ASTN2: variants seen among roughly 807,000 people sequenced by gnomAD.
ASTN2 encodes the protein astrotactin-2.
In ASTN2, 54 loss-of-function variants were observed where a neutral mutation model predicts 139.8. That is an observed-to-expected ratio of 0.39 (90% CI 0.31 to 0.48). The LOEUF (loss-of-function observed/expected upper bound fraction) is 0.48, where lower values mean the gene tolerates loss of function less well. Among genes scored for constraint, ASTN2 ranks in the 20% least tolerant of loss-of-function variants. The pLI is 0.95. For missense variants in ASTN2, 1,565 were observed against 1,725.1 expected, an observed-to-expected ratio of 0.91 and a Z score of 1.64; for synonymous variants, 756 against 719.5, an observed-to-expected ratio of 1.05 and a Z score of -0.81.
chr9:116,969,788 G>C (rs1836131268), intron 10 of ASTN2, among the ~76,000 whole-genome samples: 1 of 152,108 alleles, frequency 6.6e-6, no homozygotes, highest in South Asian at 2.1e-4. Context: ...AATCACCTGA[G>C]GACTTCTTAA....
chr9:116,586,812 T>TCACACACACACACACACACACACACA (rs141414264), intron 19 of ASTN2, among the ~76,000 whole-genome samples: 13 of 79,952 alleles, frequency 1.6e-4, no homozygotes, highest in African/African-American at 7.9e-4. Flanking sequence ...CAGTTGAAAT[T>TCACACACACACACACACACACACACA]CACACACACA....
intron 1 of ASTN2, among the ~76,000 whole-genome samples, chr9:117,377,423 C>T (rs1261611748): frequency 2.0e-5 from 3 of 152,198 alleles, no homozygotes; most frequent in Non-Finnish European, 4.4e-5. Context: ...TAATGGCTTG[C>T]AGAGGGTGGT....
At chr9:117,071,619 G>T (rs973429386) in intron 5 of ASTN2, among the ~76,000 whole-genome samples, 2 of 149,522 alleles carry the variant, frequency 1.3e-5, no homozygotes, top group African/African-American at 4.9e-5. Context: ...CCTCGCTGCC[G>T]CCTTGCAGTT....
At chr9:117,175,999 C>A (rs1830907423) in intron 3 of ASTN2, among the ~76,000 whole-genome samples, 1 of 150,678 alleles carries the variant, frequency 6.6e-6, no homozygotes. Context: ...TGATTATTAT[C>A]AATATTTATA....
At chr9:116,762,381 G>T (rs1383816929) in intron 13 of ASTN2, among the ~76,000 whole-genome samples, 2 of 152,070 alleles carry the variant, frequency 1.3e-5, no homozygotes, top group Non-Finnish European at 2.9e-5. Flanking sequence ...GGCCTCCAAG[G>T]AGAACTAATT....
chr9:116,448,475 T>G lies in ASTN2; in HGVS notation c.3498-5922A>C, dbSNP rs542530566. ...CAGGACCAAGCTCACTGCTGAGAGATAGGTTAGATCTAATATTCTAGGAAC... is the reference window on the plus strand; with the variant it reads ...CAGGACCAAGCTCACTGCTGAGAGAGAGGTTAGATCTAATATTCTAGGAAC... On this transcript the variant is annotated intron_variant, in intron 20 of 22. Coordinates refer to ENST00000313400, the MANE Select transcript of ASTN2 (RefSeq NM_001365068.1). Among the ~76,000 whole-genome samples the G allele has an allele frequency of 6.6e-5, 10 of 152,328 alleles. No individual in the cohort carries two copies. In the South Asian group the frequency reaches 2.1e-3, roughly 32 times the overall value.
chr9:117,001,013 C>T (rs1215413849), intron 7 of ASTN2, among the ~76,000 whole-genome samples: 1 of 152,074 alleles, frequency 6.6e-6, no homozygotes, highest in Non-Finnish European at 1.5e-5. Context: ...TTGTTGAAAT[C>T]CCTGGAAAAA....
intron 10 of ASTN2, among the ~76,000 whole-genome samples, chr9:116,958,783 G>C (rs534538580): frequency 6.6e-6 from 1 of 152,046 alleles, no homozygotes; most frequent in Non-Finnish European, 1.5e-5. Context: ...AATAAGCCGG[G>C]TCTAGCTGGC....
intron 19 of ASTN2, among the ~76,000 whole-genome samples, chr9:116,556,088 C>T (rs1182205382): frequency 6.6e-6 from 1 of 152,172 alleles, no homozygotes; most frequent in Non-Finnish European, 1.5e-5. Flanking sequence ...GAGAACAGTT[C>T]AGACACTGTC....
Position 117,066,403 on chromosome 9 carries a change from T to C in ASTN2, c.1277-26438A>G, listed in dbSNP as rs1237667843. ...ATGGTGTATATGTGCCACATTTTCT[T>C]AATCCAGTCTATCATTGTTGGACAT... On this transcript the variant is annotated intron_variant, in intron 5 of 22. Coordinates refer to ENST00000313400, the MANE Select transcript of ASTN2 (RefSeq NM_001365068.1). 2.0e-5 allele frequency among the ~76,000 whole-genome samples: 3 copies of C among 148,598 alleles called. No homozygotes were observed. In the East Asian group the frequency reaches 6.0e-4, roughly 30 times the overall value.
intron 6 of ASTN2, among the ~76,000 whole-genome samples, chr9:117,012,212 T>C (rs927314735): frequency 6.6e-6 from 1 of 152,174 alleles, no homozygotes; most frequent in African/African-American, 2.4e-5. Flanking sequence ...TTTTCCATCC[T>C]GTGAGAGCCA....
chr9:116,767,019 C>T (rs982749112), intron 13 of ASTN2, among the ~76,000 whole-genome samples: 2 of 152,054 alleles, frequency 1.3e-5, no homozygotes, highest in South Asian at 4.1e-4. Flanking sequence ...CATTCACACT[C>T]ACACATAAAC....
chr9:116,464,985 G>C lies in ASTN2; in HGVS notation c.3497+22374C>G, dbSNP rs1043966879. 3.0e-4 allele frequency among the ~76,000 whole-genome samples: 45 copies of C among 152,314 alleles called. 1 individual carries two copies. The highest frequency in any genetic ancestry group is 2.6e-3 in the Admixed American group (40 of 15,306). On this transcript the variant is annotated intron_variant, in intron 20 of 22. Coordinates refer to ENST00000313400, the MANE Select transcript of ASTN2 (RefSeq NM_001365068.1). The stretch of plus-strand genomic sequence containing the variant: ...AAGAGGCTCAGAGCAGGTCACTGCA[G>C]GTCTTTCCCTGTAGTCGTTATGGAG...
intron 13 of ASTN2, among the ~76,000 whole-genome samples, chr9:116,800,771 T>A (rs1181929170): frequency 2.6e-5 from 4 of 152,222 alleles, no homozygotes; most frequent in African/African-American, 9.6e-5. Context: ...GAGCCAGTTA[T>A]ATTATTTCCT....
chr9:116,783,401 C>G (rs962554212), intron 13 of ASTN2, among the ~76,000 whole-genome samples: 1 of 146,582 alleles, frequency 6.8e-6, no homozygotes, highest in African/African-American at 2.5e-5. Flanking sequence ...ATCTTGTTAA[C>G]GACCTACCAC....
At chr9:117,000,836 T>C (rs1323845017) in intron 7 of ASTN2, among the ~76,000 whole-genome samples, 1 of 152,232 alleles carries the variant, frequency 6.6e-6, no homozygotes, top group Non-Finnish European at 1.5e-5. Flanking sequence ...TTACCAATTG[T>C]GTTGGTGTAA....
intron 2 of ASTN2, among the ~76,000 whole-genome samples, chr9:117,254,171 T>C (rs545907677): frequency 4.6e-5 from 7 of 152,236 alleles, no homozygotes; most frequent in South Asian, 2.1e-4. Flanking sequence ...ATAGGTACCA[T>C]AGAATGATGG....
At chr9:116,481,033 G>A (rs778422138) in intron 20 of ASTN2, among the ~76,000 whole-genome samples, 14 of 152,160 alleles carry the variant, frequency 9.2e-5, no homozygotes, top group Admixed American at 4.6e-4. Flanking sequence ...ACATATTTTA[G>A]TTCATTGTAT....
intron 7 of ASTN2, among the ~76,000 whole-genome samples, chr9:117,001,225 C>G (rs1032839656): frequency 3.3e-5 from 5 of 152,176 alleles, no homozygotes; most frequent in African/African-American, 1.2e-4. Flanking sequence ...GACTCCATGA[C>G]TCTGTCCAGC....
Sources: allele counts gnomAD v4.1 joint callset (sites outside exome capture counted in the v4.1 genomes callset), GRCh38; gene constraint gnomAD v4.1.1; transcripts MANE v1.5; gene names NCBI Gene and HGNC (gene_info 2026-07-23, HGNC 2026-07-21).